The following DOCK5 variants were observed in gnomAD, a reference collection of about 807,000 sequenced individuals.
DOCK5 encodes the protein dedicator of cytokinesis 5, also known as dedicator of cytokinesis protein 5.
A neutral mutation model predicts 251.8 loss-of-function variants in DOCK5; 142 were observed. The ratio of observed to expected loss-of-function variants is 0.56; its 90% CI spans 0.49 to 0.65. The LOEUF is 0.65. DOCK5 is among the 30% of genes least tolerant of loss of function. The probability of loss-of-function intolerance (pLI) is 0.00; values close to 1 mark genes in which losing one functional copy is unlikely to be tolerated. For synonymous variants in DOCK5, 842 were observed against 835.5 expected, an observed-to-expected ratio of 1.01 and a Z score of -0.13; for missense variants, 2,111 against 2,312.3, an observed-to-expected ratio of 0.91 and a Z score of 1.79.
intron 5 of DOCK5, among the ~76,000 whole-genome samples, chr8:25,282,017 T>C (rs997036837): frequency 6.6e-6 from 1 of 152,220 alleles, no homozygotes; most frequent in Non-Finnish European, 1.5e-5. Context: ...CCGCTGTTGA[T>C]TGACTAAAAG....
rs10090086 is a variant in DOCK5, at chr8:25,394,183, C to T, written c.4527+1301C>T. Among the ~76,000 whole-genome samples, 844 of 152,230 alleles carry T rather than the reference C, an allele frequency of 5.5e-3. 7 individuals are homozygous for T. The highest frequency in any genetic ancestry group is 0.017 in the African/African-American group (695 of 41,542). On this transcript the variant is annotated intron_variant, in intron 44 of 51. Coordinates refer to ENST00000276440, the MANE Select transcript of DOCK5 (RefSeq NM_024940.8). ...TTACAGTGAGCTGTGAATAATTGCA[C>T]TACTGCAGTCCAGCCTGGTCAACTG...
chr8:25,195,835 G>A (rs915384409), intron 1 of DOCK5, among the ~76,000 whole-genome samples: 2 of 152,154 alleles, frequency 1.3e-5, no homozygotes, highest in Non-Finnish European at 1.5e-5. Context: ...ATGAGGACAC[G>A]AACTCTTTTT....
intron 2 of DOCK5, among the ~76,000 whole-genome samples, chr8:25,253,124 T>C (rs2117565485): frequency 6.6e-6 from 1 of 152,308 alleles, no homozygotes; most frequent in Admixed American, 6.5e-5. Flanking sequence ...AACCCTAAAA[T>C]TCCATCTTTA....
intron 1 of DOCK5, among the ~76,000 whole-genome samples, chr8:25,195,792 T>C (rs1801710289): frequency 6.6e-6 from 1 of 152,226 alleles, no homozygotes; most frequent in South Asian, 2.1e-4. Context: ...TGTTAGTGTT[T>C]ACTGTCTGTC....
At chr8:25,337,541 C>T (rs1450274140) in intron 22 of DOCK5, among the ~76,000 whole-genome samples, 1 of 147,792 alleles carries the variant, frequency 6.8e-6, no homozygotes, top group Non-Finnish European at 1.5e-5. Context: ...TCAGTCATTT[C>T]AAATGTAGGG....
chr8:25,348,643 G>C (rs572203050), intron 26 of DOCK5, among the ~76,000 whole-genome samples: 1 of 152,208 alleles, frequency 6.6e-6, no homozygotes, highest in African/African-American at 2.4e-5. Context: ...TTCGAGACCA[G>C]CCTGACCAAC....
chr8:25,398,659 G>T (rs1484083841), intron 45 of DOCK5, among the ~76,000 whole-genome samples: 1 of 152,074 alleles, frequency 6.6e-6, no homozygotes. Context: ...TCTTGTCGAT[G>T]GCCATCTTCT....
At chr8:25,397,989 A>G (rs1205446397) in intron 45 of DOCK5, among the ~76,000 whole-genome samples, 1 of 152,072 alleles carries the variant, frequency 6.6e-6, no homozygotes, top group Non-Finnish European at 1.5e-5. Flanking sequence ...GTAGCCCGTC[A>G]TTACATATTT....
At chr8:25,338,222 G>T (rs1274456075) in intron 22 of DOCK5, among the ~76,000 whole-genome samples, 1 of 151,712 alleles carries the variant, frequency 6.6e-6, no homozygotes, top group African/African-American at 2.4e-5. Flanking sequence ...TATATTTTTT[G>T]TAGAGACAGG....
chr8:25,252,324 G>A (rs986249772), intron 2 of DOCK5, among the ~76,000 whole-genome samples: 3 of 152,154 alleles, frequency 2.0e-5, no homozygotes, highest in Non-Finnish European at 4.4e-5. Flanking sequence ...AAAGTTTACT[G>A]GATATAAGCT....
rs150633769 is a variant in DOCK5, at chr8:25,406,680, T to C, written c.5094-1303T>C. On this transcript the variant is annotated intron_variant, in intron 48 of 51. Transcript: ENST00000276440. ...TCTCGTTGTGTCGCCCAGGCTGGAGTGCAGTGGTGCAATCTCGGCTCGCTG... is the reference window on the plus strand; with the variant it reads ...TCTCGTTGTGTCGCCCAGGCTGGAGCGCAGTGGTGCAATCTCGGCTCGCTG... 8.7e-3 allele frequency among the ~76,000 whole-genome samples: 1,331 copies of C among 152,162 alleles called. 22 individuals carry two copies. The highest frequency in any genetic ancestry group is 0.03 in the African/African-American group (1,244 of 41,504).
At chr8:25,334,751 GA>G (rs1805762046) in intron 21 of DOCK5, among the ~76,000 whole-genome samples, 1 of 151,072 alleles carries the variant, frequency 6.6e-6, no homozygotes, top group African/African-American at 2.4e-5. Flanking sequence ...AATAACAAAT[GA>G]CTCAACCCAG....
intron 49 of DOCK5, 32 bp downstream of exon 49, chr8:25,408,186 T>G: frequency 6.5e-7 from 1 of 1,543,156 alleles, no homozygotes; most frequent in Non-Finnish European, 8.7e-7. Flanking sequence ...AAGAAATCTC[T>G]GGAGGCTTGC....
chr8:25,289,837 C>T (rs559061873), intron 5 of DOCK5, among the ~76,000 whole-genome samples: 92 of 151,836 alleles, frequency 6.1e-4, no homozygotes, highest in Non-Finnish European at 1.2e-3. Context: ...AGCAAAACTC[C>T]GTTTCCAAAA....
At chr8:25,350,472 T>C (rs1420529212) in intron 26 of DOCK5, among the ~76,000 whole-genome samples, 1 of 152,168 alleles carries the variant, frequency 6.6e-6, no homozygotes, top group Non-Finnish European at 1.5e-5. Flanking sequence ...TGTCCCCCTT[T>C]TGCAGCTATG....
At position 25,305,284 on chromosome 8, in the gene DOCK5, C is replaced by T. The variant is rs1586312991; in HGVS notation, c.1049+957C>T. 4 of 134,572 alleles carry T rather than the reference C, an allele frequency of 3.0e-5. No homozygotes were observed. The East Asian group carries it at 8.5e-4, about 29-fold the overall frequency. The allele number at this position is 134,572 out of a possible 1,614,324, so 8.3% of individuals were successfully genotyped here. A position where few individuals can be genotyped will look rare whatever the true frequency, so the allele number is the denominator to read the frequency against. ...TATCACAAATTAGTGGAGAAAGATA[C>T]ATTATGCAAAAAAAAAAAAAAAAGG... On this transcript the variant is annotated intron_variant, in intron 11 of 51. Coordinates refer to ENST00000276440, the MANE Select transcript of DOCK5 (RefSeq NM_024940.8).
intron 39 of DOCK5, among the ~76,000 whole-genome samples, chr8:25,380,765 A>G (rs1250733579): frequency 6.6e-6 from 1 of 152,222 alleles, no homozygotes; most frequent in African/African-American, 2.4e-5. Flanking sequence ...CCCAGCCATC[A>G]GTAAAGCAAA....
intron 1 of DOCK5, among the ~76,000 whole-genome samples, chr8:25,235,098 G>A (rs536151212): frequency 3.0e-4 from 46 of 152,252 alleles, no homozygotes; most frequent in Admixed American, 2.2e-3. Flanking sequence ...TTCTGGCCCT[G>A]CACAAATTCT....
rs181918693 is a variant in DOCK5 at position 25,308,091 on chromosome 8, G to A, written c.1050-692G>A. 5.3e-5 allele frequency among the ~76,000 whole-genome samples: 8 copies of A among 152,270 alleles called. No homozygotes were observed. In the East Asian group the frequency reaches 1.5e-3, roughly 29 times the overall value. ...TGGACAGAGGAGACAGGAGACTATT[G>A]TACTGCACCAGGCCGATGTGCAGTT... is the stretch of plus-strand genomic sequence containing the variant. On this transcript the variant is annotated intron_variant, in intron 11 of 51. Coordinates refer to ENST00000276440, the MANE Select transcript of DOCK5 (RefSeq NM_024940.8).
Sources: gnomAD v4.1 joint callset for allele counts (sites outside exome capture counted in the v4.1 genomes callset) on GRCh38, gnomAD v4.1.1 for gene constraint, MANE v1.5 for transcripts, NCBI Gene and HGNC (gene_info 2026-07-23, HGNC 2026-07-21) for gene names.